CTU2: variants seen among roughly 807,000 people sequenced by gnomAD.
CTU2 encodes the protein cytoplasmic tRNA 2-thiolation protein 2.
Under a neutral mutation model 64.1 loss-of-function variants are expected in CTU2, and 80 were observed. The ratio of observed to expected loss-of-function variants is 1.25; its 90% confidence interval spans 1.04 to 1.50. The LOEUF (loss-of-function observed/expected upper bound fraction) is 1.50. Ranked by LOEUF, CTU2 falls within the 40% of genes most tolerant of loss-of-function variation. The pLI is 0.00. For synonymous variants in CTU2, 482 were observed against 285.3 expected, an observed-to-expected ratio of 1.69 and a Z score of -6.95; for missense variants, 1,110 against 690.2, an observed-to-expected ratio of 1.61 and a Z score of -6.81.
chr16:88,714,272 C>A (rs1911673652), intron 10 of CTU2, 45 bp downstream of exon 10: 12 of 1,591,990 alleles, frequency 7.5e-6, no homozygotes, highest in Non-Finnish European at 1.0e-5. Context: ...CGGGTGTGTG[C>A]TGTGCGCGGG....
At chr16:88,712,490 C>T (rs1020365608) in intron 6 of CTU2, 107 bp downstream of exon 6, 28 of 1,431,540 alleles carry the variant, frequency 2.0e-5, no homozygotes, top group African/African-American at 2.8e-5. Flanking sequence ...GCGGGGCTGT[C>T]GGTGGGGGGT....
chr16:88,714,796 C>T (rs1911779695), intron 12 of CTU2, 59 bp downstream of exon 12: 3 of 1,609,954 alleles, frequency 1.9e-6, no homozygotes, highest in Non-Finnish European at 2.5e-6. Flanking sequence ...GGGACCTGTC[C>T]TTACCCCACA....
rs139296284 is a variant in CTU2 at position 88,707,271 on chromosome 16, C to T, written c.143+61C>T. ...TGGCCTCGCTAGCAGACAGGATAGC[C>T]GCAACTTGTGATGCTTTGTTAATTC... On this transcript the variant is annotated intron_variant, in intron 2 of 14. Coordinates refer to ENST00000453996, the MANE Select transcript of CTU2 (RefSeq NM_001012759.3). The T allele has an allele frequency of 2.9e-5, 42 of 1,430,572 alleles. No individual in the cohort carries two copies. The Admixed American group carries it at 4.2e-4, about 14-fold the overall frequency. 88.6% of individuals were successfully genotyped at this position (1,430,572 alleles called of 1,614,324 possible).
At position 88,706,521 on chromosome 16, in the gene CTU2, C is replaced by T. The variant is rs767452884; in HGVS notation, c.-10C>T. The T allele has an allele frequency of 4.9e-6, 7 of 1,436,272 alleles. No individual in the cohort carries two copies. The South Asian group carries it at 5.5e-5, about 11-fold the overall frequency. 89.0% of individuals were successfully genotyped at this position (1,436,272 alleles called of 1,614,324 possible). A position where few individuals can be genotyped will look rare whatever the true frequency, so the allele number is the denominator to read the frequency against. ...CGCCGCCACAGTCTGCGACGGGACC[C>T]GGCGTGCCCATGTGTCAGGTGGGCG... On this transcript the variant is annotated 5_prime_UTR_variant, in exon 1 of 15. Coordinates refer to ENST00000453996, the MANE Select transcript of CTU2 (RefSeq NM_001012759.3).
chr16:88,714,598 G>A lies in CTU2; in HGVS notation c.1213G>A (p.Ala405Thr). 1.2e-6 allele frequency: 2 copies of A among 1,612,634 alleles called. No homozygotes were observed. The highest frequency in any genetic ancestry group is 1.7e-6 in the Non-Finnish European group (2 of 1,179,890). ...LDVDAADSAT[A>T]FGAQTSSRLS... ...CTCTCTGCTTGCAGACAGTGCCACG[G>A]CTTTTGGGGCTCAGACCTCCTCGCG... The change falls in exon 12 of 15, where the codon GCT (alanine) becomes ACT (threonine). Residue 405 changes from alanine (A) to threonine (T), a missense_variant. Transcript: ENST00000453996.
chr16:88,714,674 C>G lies in CTU2; in HGVS notation c.1289C>G (p.Pro430Arg). Residue 430 changes from proline to arginine, a missense_variant, in exon 12 of 15, where the codon CCG becomes CGG. Physicochemically the swap from Pro to Arg is moderately radical, Grantham distance 103. Coordinates refer to ENST00000453996, the MANE Select transcript of CTU2 (RefSeq NM_001012759.3). ...PIPLTETRTP[P>R]GPCCSPGVGW... The stretch of plus-strand genomic sequence containing the variant: ...CCCCTGACTGAGACCCGGACACCCC[C>G]GGGGCCCTGCTGTTCTCCAGGGGTG... The G allele has an allele frequency of 5.0e-6, 8 of 1,612,312 alleles. No homozygotes were observed. The highest frequency in any genetic ancestry group is 6.8e-6 in the Non-Finnish European group (8 of 1,179,752).
At chr16:88,710,392 C>T (rs910119594) in intron 4 of CTU2, 110 bp downstream of exon 4, 4 of 1,143,370 alleles carry the variant, frequency 3.5e-6, no homozygotes, top group South Asian at 1.3e-5. Context: ...GAGCAGTCCA[C>T]CCTGCGGCCT....
intron 10 of CTU2, 47 bp downstream of exon 10, chr16:88,714,274 G>A (rs878935902): frequency 2.5e-6 from 3 of 1,205,472 alleles, no homozygotes; most frequent in South Asian, 2.4e-5. Context: ...GGTGTGTGCT[G>A]TGCGCGGGTG....
chr16:88,714,436 C>G lies in CTU2; in HGVS notation c.1151C>G (p.Ser384Cys). Residue 384 changes from serine to cysteine, a missense_variant, in exon 11 of 15, where the codon TCC (serine) becomes TGC (cysteine). Physicochemically the swap from Ser to Cys is moderately radical, Grantham distance 112. Coordinates refer to ENST00000453996, the MANE Select transcript of CTU2 (RefSeq NM_001012759.3). ...CGGGATGGCCCTGCTGCTGGCGACTCCGGCCCCCGCTGCCTCCTCTGCATG... is the reference window on the plus strand; with the variant it reads ...CGGGATGGCCCTGCTGCTGGCGACTGCGGCCCCCGCTGCCTCCTCTGCATG... ...GPRDGPAAGD[S>C]GPRCLLCMCA... 2 of 1,612,494 alleles carry G rather than the reference C, an allele frequency of 1.2e-6. No homozygotes were observed. The highest frequency in any genetic ancestry group is 1.7e-6 in the Non-Finnish European group (2 of 1,179,804).
chr16:88,707,272 G>C (rs997368271), intron 2 of CTU2, 62 bp downstream of exon 2: 10 of 1,419,946 alleles, frequency 7.0e-6, no homozygotes, highest in Non-Finnish European at 1.0e-5. Context: ...CAGGATAGCC[G>C]CAACTTGTGA....
In CTU2 at chr16:88,710,509, CACAAATCA is replaced by C. The variant is rs1242524029; in HGVS notation, c.282+228_282+235del. The C allele has an allele frequency of 7.2e-6, 4 of 559,176 alleles. No homozygotes were observed. In the African/African-American group the frequency reaches 7.6e-5, roughly 11 times the overall value. The allele number at this position is 559,176 out of a possible 1,614,324, so 34.6% of individuals were successfully genotyped here. A position where few individuals can be genotyped will look rare whatever the true frequency, so the allele number is the denominator to read the frequency against. On this transcript the variant is annotated intron_variant, in intron 4 of 14. Coordinates refer to ENST00000453996, the MANE Select transcript of CTU2 (RefSeq NM_001012759.3). ...CTCTCAGATGTGTTTACAGCAGGTGCACAAATCAGAAGCTGGGTCCACAGCGCGTGTGT... is the reference window on the plus strand; with the variant it reads ...CTCTCAGATGTGTTTACAGCAGGTGCGAAGCTGGGTCCACAGCGCGTGTGT...
At position 88,714,474 on chromosome 16, in the gene CTU2, G is replaced by T. The variant is rs368218174; in HGVS notation, c.1189G>T (p.Val397Phe). The stretch of plus-strand genomic sequence containing the variant: ...CCTCCTCTGCATGTGTGCCCTGGAC[G>T]TCGACGCCGCTGGTCTGTGTTTCAT... ...RCLLCMCALD[V>F]DAADSATAFG... The change falls in exon 11 of 15, where the codon GTC becomes TTC. Residue 397 changes from valine to phenylalanine, a missense_variant. By Grantham distance (50) the Val-to-Phe change is conservative (BLOSUM62 -1). Coordinates refer to ENST00000453996, the MANE Select transcript of CTU2 (RefSeq NM_001012759.3). The T allele has an allele frequency of 6.2e-7, 1 of 1,612,640 alleles. No homozygotes were observed. The highest frequency in any genetic ancestry group is 8.5e-7 in the Non-Finnish European group (1 of 1,179,880).
chr16:88,707,812 G>GTTGTTT lies in CTU2; in HGVS notation c.143+604_143+605insGTTTTT, dbSNP rs1555549837. 2.9e-4 allele frequency among the ~76,000 whole-genome samples: 42 copies of GTTGTTT among 144,716 alleles called. No individual in the cohort carries two copies. The East Asian group carries it at 5.7e-3, about 20-fold the overall frequency. 94.9% of individuals were successfully genotyped at this position (144,716 alleles called of 152,430 possible). On this transcript the variant is annotated intron_variant, in intron 2 of 14. Coordinates refer to ENST00000453996, the MANE Select transcript of CTU2 (RefSeq NM_001012759.3). ...GCGTGGTTTTTTTGTTGTTGTTGTT[G>GTTGTTT]TTTTTTTTGAGATGGAGTCTCCCTC...
chr16:88,711,635 G>A lies in CTU2; in HGVS notation c.283G>A (p.Gly95Ser). Residue 95 changes from glycine to serine, a missense_variant and splice_region_variant, in exon 5 of 15, where the codon GGC (glycine) becomes AGC (serine). Physicochemically the swap from Gly to Ser is moderately conservative, Grantham distance 56. Coordinates refer to ENST00000453996, the MANE Select transcript of CTU2 (RefSeq NM_001012759.3). ...SSSMVWQVLEGLSQDSAKRLR... is the reference protein window; with the variant it reads ...SSSMVWQVLESLSQDSAKRLR... ...GAGTCCCTGCTGCTTCTCCCTCTAG[G>A]GCCTGAGCCAAGATTCTGCCAAAAG... is the stretch of plus-strand genomic sequence containing the variant. The A allele has an allele frequency of 6.2e-7, 1 of 1,604,278 alleles. No homozygotes were observed. Among genetic ancestry groups the A allele is most frequent in the East Asian group, 2.3e-5 (1 of 44,438 alleles).
chr16:88,714,231 TGGGTGTGTGTGGGTGTGTGCG>T lies in CTU2; in HGVS notation c.1097+8_1097+28del. The T allele has an allele frequency of 1.1e-5, 1 of 95,058 alleles. No homozygotes were observed. Among genetic ancestry groups the T allele is most frequent in the Non-Finnish European group, 1.3e-5 (1 of 74,310 alleles). The allele number at this position is 95,058 out of a possible 1,614,324, so 5.9% of individuals were successfully genotyped here. ...CCACTGTCAGCACTGTGTACAGGTG[TGGGTGTGTGTGGGTGTGTGCG>T]GGGGGTGCGCGGGTGTGTGCTGTGC... On this transcript the variant is annotated splice_donor_5th_base_variant and intron_variant, in intron 10 of 14. Coordinates refer to ENST00000453996, the MANE Select transcript of CTU2 (RefSeq NM_001012759.3).
chr16:88,712,207 G>A lies in CTU2; in HGVS notation c.344-67G>A, dbSNP rs7205989. ...CCTCGAAGGGTTTTCCCAGGTGGAG[G>A]TGGCCCTGCAGCCTGCCCTGCCTGG... On this transcript the variant is annotated intron_variant, in intron 5 of 14. Transcript: ENST00000453996. 714,168 of 1,348,472 alleles carry A rather than the reference G, an allele frequency of 0.53. 191,414 individuals are homozygous for A. Among genetic ancestry groups the A allele is most frequent in the South Asian group, 0.64 (51,124 of 80,266 alleles). The allele number at this position is 1,348,472 out of a possible 1,614,324, so 83.5% of individuals were successfully genotyped here.
At chr16:88,707,047 G>T in intron 1 of CTU2, 89 bp from the exon 2 acceptor site, 1 of 1,339,852 alleles carries the variant, frequency 7.5e-7, no homozygotes, top group Non-Finnish European at 1.1e-6. Flanking sequence ...AACTCAGGGT[G>T]AGAAACAGGA....
At chr16:88,708,065 C>T (rs557089916) in intron 2 of CTU2, among the ~76,000 whole-genome samples, 13 of 152,270 alleles carry the variant, frequency 8.5e-5, no homozygotes, top group Admixed American at 5.2e-4. Context: ...CCACCTGCCT[C>T]GGCCTCCCAA....
intron 2 of CTU2, among the ~76,000 whole-genome samples, chr16:88,708,691 T>C (rs1212039798): frequency 1.3e-5 from 2 of 152,118 alleles, no homozygotes; most frequent in Non-Finnish European, 2.9e-5. Flanking sequence ...GTACGTGGTA[T>C]CCATTCAACG....
Sources: gnomAD v4.1 joint callset for allele counts (sites outside exome capture counted in the v4.1 genomes callset) on GRCh38, gnomAD v4.1.1 for gene constraint, MANE v1.5 for transcripts, NCBI Gene and HGNC (gene_info 2026-07-23, HGNC 2026-07-21) for gene names.